Variants in SNIP1 observed in about 807,000 individuals in gnomAD.
SNIP1 encodes Smad nuclear interacting protein 1.
SNIP1 carries 23 observed loss-of-function variants against 37.4 expected under a neutral mutation model. The ratio of observed to expected loss-of-function variants is 0.61; its 90% CI spans 0.44 to 0.87. The LOEUF is 0.87. Ranked by LOEUF, SNIP1 falls within the 40% of genes least tolerant of loss-of-function variation. SNIP1 has a pLI of 0.00. For synonymous variants in SNIP1, 174 were observed against 200.0 expected, an observed-to-expected ratio of 0.87 and a Z score of 1.10; for missense variants, 459 against 540.4, an observed-to-expected ratio of 0.85 and a Z score of 1.49.
At chr1:37,550,655 T>A (rs145258256) in intron 2 of SNIP1, among the ~76,000 whole-genome samples, 280 of 150,966 alleles carry the variant, frequency 1.9e-3, no homozygotes, top group African/African-American at 6.4e-3. Flanking sequence ...TGCAATGAGC[T>A]GAGATCGCGC....
At chr1:37,544,003 A>T (rs1643201029) in intron 2 of SNIP1, among the ~76,000 whole-genome samples, 1 of 151,928 alleles carries the variant, frequency 6.6e-6, no homozygotes, top group Non-Finnish European at 1.5e-5. Context: ...AAAATTAGCC[A>T]GGTGTGGTAG....
At chr1:37,549,418 A>G (rs776164475) in intron 2 of SNIP1, among the ~76,000 whole-genome samples, 4 of 152,080 alleles carry the variant, frequency 2.6e-5, no homozygotes, top group Non-Finnish European at 5.9e-5. Context: ...TCCTAGCAAG[A>G]CTTTTCTTTC....
At chr1:37,541,731 G>C (rs1182243186) in intron 2 of SNIP1, 1 of 151,758 alleles carries the variant, frequency 6.6e-6, no homozygotes, top group Admixed American at 6.6e-5. Flanking sequence ...AGTAGTCCCA[G>C]GGGGATACAT....
chr1:37,554,019 G>C lies in SNIP1; in HGVS notation c.211C>G (p.Arg71Gly), dbSNP rs1001226317. ...ARSGHRGNRARGVSRSPPKKK... is the reference protein window; with the variant it reads ...ARSGHRGNRAGGVSRSPPKKK... Reference sequence around the variant, plus strand: ...TCCCCCACTTACCGGCTAACTCCTCGGGCTCGGTTCCCGCGGTGGCCCGAG... The same window carrying C: ...TCCCCCACTTACCGGCTAACTCCTCCGGCTCGGTTCCCGCGGTGGCCCGAG... The change falls in exon 1 of 4, where the codon CGA becomes GGA. Residue 71 changes from arginine to glycine, a missense_variant. Physicochemically the swap from Arg to Gly is moderately radical, Grantham distance 125 (BLOSUM62 -2). Coordinates refer to ENST00000296215, the MANE Select transcript of SNIP1 (RefSeq NM_024700.4). 1.3e-6 allele frequency: 2 copies of C among 1,568,352 alleles called. No individual in the cohort carries two copies. Among genetic ancestry groups the C allele is most frequent in the Non-Finnish European group, 1.7e-6 (2 of 1,157,036 alleles).
intron 2 of SNIP1, among the ~76,000 whole-genome samples, chr1:37,551,106 C>CACACACACACT (rs1553166412): frequency 7.7e-5 from 11 of 143,558 alleles, no homozygotes; most frequent in East Asian, 6.1e-4. Context: ...CACACACACA[C>CACACACACACT]TGACACACAA....
At chr1:37,539,302 T>A (rs914916440) in intron 3 of SNIP1, among the ~76,000 whole-genome samples, 1 of 152,350 alleles carries the variant, frequency 6.6e-6, no homozygotes, top group African/African-American at 2.4e-5. Context: ...CACTGTACTA[T>A]AGTGATCATT....
intron 2 of SNIP1, among the ~76,000 whole-genome samples, chr1:37,547,145 G>C (rs995137106): frequency 1.3e-5 from 2 of 152,194 alleles, no homozygotes; most frequent in African/African-American, 2.4e-5. Context: ...TATTTAGAAA[G>C]AGGGTCACTG....
Position 37,538,019 on chromosome 1 carries a change from GAAA to G in SNIP1, c.927-10_927-8del. Reference sequence around the variant, plus strand: ...ACGGGTATATTCCACAAGCCTAGCAGAAAAAAAGGAGAAACCTGTGAGCAAACT... The same window carrying G: ...ACGGGTATATTCCACAAGCCTAGCAGAAAAGGAGAAACCTGTGAGCAAACT... On this transcript the variant is annotated splice_region_variant and splice_polypyrimidine_tract_variant and intron_variant, in intron 3 of 3. Transcript: ENST00000296215. The G allele has an allele frequency of 6.4e-7, 1 of 1,573,814 alleles. No homozygotes were observed. Among genetic ancestry groups the G allele is most frequent in the Non-Finnish European group, 8.6e-7 (1 of 1,163,042 alleles).
At chr1:37,544,965 TG>T (rs1643215528) in intron 2 of SNIP1, 1 of 794,730 alleles carries the variant, frequency 1.3e-6, no homozygotes, top group Admixed American at 1.7e-5. Flanking sequence ...CTGATGAAGC[TG>T]CAGAACCAAT....
rs376982412 is a variant in SNIP1 at position 37,539,497 on chromosome 1, G to T, written c.926+660C>A. On this transcript the variant is annotated intron_variant, in intron 3 of 3. Coordinates refer to ENST00000296215, the MANE Select transcript of SNIP1 (RefSeq NM_024700.4). ...AAGGCCAAGGCAGGCGGATCACGAG[G>T]TCAGGAGTTCGAGACCAGCCTGGCC... Among the ~76,000 whole-genome samples the T allele has an allele frequency of 2.0e-5, 3 of 152,196 alleles. No homozygotes were observed. In the South Asian group the frequency reaches 6.2e-4, roughly 31 times the overall value.
In SNIP1 at chr1:37,535,239, T is replaced by TATATATATATATATATATATAAAA. The variant is rs370386634; in HGVS notation, c.*2508_*2509insTTTTATATATATATATATATATAT. On this transcript the variant is annotated 3_prime_UTR_variant, in exon 4 of 4. Coordinates refer to ENST00000296215, the MANE Select transcript of SNIP1 (RefSeq NM_024700.4). ...AAATAAAAAATAAAAATTATATATA[T>TATATATATATATATATATATAAAA]AAATTAGCCAGGCTTGGTGACAGGT... 2.8e-5 allele frequency: 3 copies of TATATATATATATATATATATAAAA among 108,650 alleles called. No homozygotes were observed. The highest frequency in any genetic ancestry group is 3.2e-4 in the South Asian group (1 of 3,090). The allele number at this position is 108,650 out of a possible 1,614,324, so 6.7% of individuals were successfully genotyped here. A position where few individuals can be genotyped will look rare whatever the true frequency, so the allele number is the denominator to read the frequency against.
Position 37,536,459 on chromosome 1 carries a change from A to C in SNIP1, c.*1289T>G, listed in dbSNP as rs1338432613. ...ACCTACTTTTATCTCAAAAGTACTG[A>C]CAGAAGGCTCCATTAGCAGCAAACA... On this transcript the variant is annotated 3_prime_UTR_variant, in exon 4 of 4. Transcript: ENST00000296215. The C allele has an allele frequency of 6.6e-6, 1 of 152,386 alleles. No individual in the cohort carries two copies. The highest frequency in any genetic ancestry group is 2.4e-5 in the African/African-American group (1 of 41,452). The allele number at this position is 152,386 out of a possible 1,614,324, so 9.4% of individuals were successfully genotyped here.
intron 2 of SNIP1, among the ~76,000 whole-genome samples, chr1:37,551,128 C>A (rs570903669): frequency 1.4e-5 from 2 of 140,132 alleles, no homozygotes; most frequent in Admixed American, 1.4e-4. Context: ...GAAAAGATGT[C>A]CAATATCATA....
Position 37,536,400 on chromosome 1 carries a change from G to C in SNIP1, c.*1348C>G, listed in dbSNP as rs1046780902. ...CTATTCCACTGACTTGGAGGCCAAC[G>C]ATATAACCTGCCCCACAACACTCTA... On this transcript the variant is annotated 3_prime_UTR_variant, in exon 4 of 4. Transcript: ENST00000296215. The C allele has an allele frequency of 6.6e-6, 1 of 152,030 alleles. No homozygotes were observed. The highest frequency in any genetic ancestry group is 2.1e-4 in the South Asian group (1 of 4,822). 9.4% of individuals were successfully genotyped at this position (152,030 alleles called of 1,614,324 possible). A position where few individuals can be genotyped will look rare whatever the true frequency, so the allele number is the denominator to read the frequency against.
At position 37,548,152 on chromosome 1, in the gene SNIP1, CAA is replaced by C. The variant is rs35503081; in HGVS notation, c.327+4491_327+4492del. Among the ~76,000 whole-genome samples, 244 of 65,360 alleles carry C rather than the reference CAA, an allele frequency of 3.7e-3. 1 individual carries two copies. Among genetic ancestry groups the C allele is most frequent in the East Asian group, 0.036 (69 of 1,936 alleles). 42.9% of individuals were successfully genotyped at this position (65,360 alleles called of 152,430 possible). A position where few individuals can be genotyped will look rare whatever the true frequency, so the allele number is the denominator to read the frequency against. On this transcript the variant is annotated intron_variant, in intron 2 of 3. Coordinates refer to ENST00000296215, the MANE Select transcript of SNIP1 (RefSeq NM_024700.4). ...TGGGCAACGCAGCGAGACTCCATAT[CAA>C]AAAAAAAAAAAAAAAAAAAAAGATA...
rs1643101154 is a variant in SNIP1, at chr1:37,536,731, C to G, written c.*1017G>C. 1 of 152,080 alleles carries G rather than the reference C, an allele frequency of 6.6e-6. No homozygotes were observed. Among genetic ancestry groups the G allele is most frequent in the Admixed American group, 6.6e-5 (1 of 15,250 alleles). 9.4% of individuals were successfully genotyped at this position (152,080 alleles called of 1,614,324 possible). ...AATACTTTGCTACTTACACATATTC[C>G]TCTGGTGGAAAACTAGGACACTGGG... On this transcript the variant is annotated 3_prime_UTR_variant, in exon 4 of 4. Coordinates refer to ENST00000296215, the MANE Select transcript of SNIP1 (RefSeq NM_024700.4).
chr1:37,545,262 G>A (rs1173748515), intron 2 of SNIP1: 1 of 643,120 alleles, frequency 1.6e-6, no homozygotes, highest in Non-Finnish European at 2.9e-6. Context: ...ATATTTCTCT[G>A]ACAAGCACAC....
At chr1:37,538,088 A>G (rs1174547907) in intron 3 of SNIP1, 76 bp from the exon 4 acceptor site, 10 of 1,469,120 alleles carry the variant, frequency 6.8e-6, no homozygotes, top group Non-Finnish European at 9.1e-6. Flanking sequence ...CTCTTTGCTA[A>G]GATAGCCTAG....
At chr1:37,547,356 A>C (rs1489547321) in intron 2 of SNIP1, among the ~76,000 whole-genome samples, 1 of 152,174 alleles carries the variant, frequency 6.6e-6, no homozygotes, top group Non-Finnish European at 1.5e-5. Context: ...TTTGGGGACG[A>C]GAGAAGTAAA....
Sources: gnomAD v4.1 joint callset for allele counts (sites outside exome capture counted in the v4.1 genomes callset) on GRCh38, gnomAD v4.1.1 for gene constraint, MANE v1.5 for transcripts, NCBI Gene and HGNC (gene_info 2026-07-23, HGNC 2026-07-21) for gene names.